The following PRUNE2 variants were observed in gnomAD, a reference collection of about 807,000 sequenced individuals.
PRUNE2 encodes the protein prune homolog 2 with BCH domain.
A neutral mutation model predicts 252.0 loss-of-function variants in PRUNE2; 164 were observed. The observed-to-expected ratio is 0.65, with a 90% CI of 0.57 to 0.74. PRUNE2 has a LOEUF of 0.74. PRUNE2 is among the 30% of genes least tolerant of loss of function. The pLI is 0.00. For missense variants in PRUNE2, 3,495 were observed against 3,711.0 expected, an observed-to-expected ratio of 0.94 and a Z score of 1.51; for synonymous variants, 1,292 against 1,350.2, an observed-to-expected ratio of 0.96 and a Z score of 0.94.
chr9:76,800,508 T>C (rs566635554), intron 6 of PRUNE2, among the ~76,000 whole-genome samples: 1 of 152,240 alleles, frequency 6.6e-6, no homozygotes, highest in Non-Finnish European at 1.5e-5. Context: ...ATAATAACAA[T>C]TTGAAATTTA....
At chr9:76,647,844 C>A (rs1329617009) in intron 11 of PRUNE2, among the ~76,000 whole-genome samples, 3 of 152,102 alleles carry the variant, frequency 2.0e-5, no homozygotes, top group African/African-American at 4.8e-5. Context: ...CATCTGTAAT[C>A]CCAGCTACTT....
intron 1 of PRUNE2, among the ~76,000 whole-genome samples, chr9:76,896,891 C>T (rs1282000536): frequency 2.6e-5 from 4 of 152,206 alleles, no homozygotes; most frequent in Non-Finnish European, 5.9e-5. Context: ...TTTAAAAATG[C>T]ATTCTTGTTC....
intron 1 of PRUNE2, among the ~76,000 whole-genome samples, chr9:76,879,878 C>CATATATATAT (rs1391636538): frequency 9.3e-5 from 7 of 75,374 alleles, no homozygotes; most frequent in African/African-American, 4.7e-4. Context: ...AGAGGCCTGT[C>CATATATATAT]ATATATATAT....
At chr9:76,644,026 TC>T (rs1233325971) in intron 12 of PRUNE2, among the ~76,000 whole-genome samples, 2 of 152,100 alleles carry the variant, frequency 1.3e-5, no homozygotes, top group African/African-American at 2.4e-5. Context: ...CAAAATGCTG[TC>T]GAGGTTTTCT....
intron 6 of PRUNE2, among the ~76,000 whole-genome samples, chr9:76,800,584 G>A (rs2056481705): frequency 6.6e-6 from 1 of 152,158 alleles, no homozygotes; most frequent in South Asian, 2.1e-4. Flanking sequence ...AGTGCTGTTT[G>A]GTGTTTTGAC....
At chr9:76,674,610 A>G (rs975821774) in intron 9 of PRUNE2, among the ~76,000 whole-genome samples, 6 of 151,242 alleles carry the variant, frequency 4.0e-5, no homozygotes, top group African/African-American at 1.5e-4. Context: ...CGCCAAGTCA[A>G]TCCTAAGCCA....
chr9:76,642,001 T>TAAAAAAAAAAAAAAAAAAAAAAAAAAAAG, intron 12 of PRUNE2: 1 of 1,010,460 alleles, frequency 9.9e-7, no homozygotes, highest in Non-Finnish European at 1.4e-6. Flanking sequence ...ATAAGAGAAG[T>TAAAAAAAAAAAAAAAAAAAAAAAAAAAAG]AAAAAAAAAA....
At chr9:76,661,504 A>C (rs1467776401) in intron 9 of PRUNE2, among the ~76,000 whole-genome samples, 2 of 152,160 alleles carry the variant, frequency 1.3e-5, no homozygotes, top group Admixed American at 1.3e-4. Context: ...CAGCCTCCCA[A>C]AGTGCTGGGA....
chr9:76,813,024 T>C (rs1312757826), intron 6 of PRUNE2, among the ~76,000 whole-genome samples: 1 of 152,188 alleles, frequency 6.6e-6, no homozygotes. Context: ...GTTATCAATG[T>C]TCTTGGGGTC....
At chr9:76,823,763 T>G (rs1202528491) in intron 5 of PRUNE2, 37 bp from the exon 6 acceptor site, 1 of 1,288,536 alleles carries the variant, frequency 7.8e-7, no homozygotes, top group South Asian at 1.3e-5. Flanking sequence ...TATGTTATAC[T>G]TGAGGGATTT....
intron 9 of PRUNE2, 137 bp downstream of exon 9, chr9:76,703,197 CTGA>C: frequency 1.5e-6 from 1 of 664,632 alleles, no homozygotes; most frequent in South Asian, 2.6e-5. Context: ...GCTGCTTTTA[CTGA>C]TGGTGTGCCT....
chr9:76,899,967 G>C (rs2063073811), intron 1 of PRUNE2, among the ~76,000 whole-genome samples: 1 of 152,206 alleles, frequency 6.6e-6, no homozygotes, highest in South Asian at 2.1e-4. Flanking sequence ...GGTTTTAAGG[G>C]AGGGGTAGGA....
chr9:76,771,075 C>T (rs1172591058), intron 6 of PRUNE2, among the ~76,000 whole-genome samples: 1 of 151,796 alleles, frequency 6.6e-6, no homozygotes, highest in African/African-American at 2.4e-5. Flanking sequence ...TCTAAAGATA[C>T]TAAAAGATTA....
chr9:76,786,674 A>G (rs983765583), intron 6 of PRUNE2: 2 of 152,188 alleles, frequency 1.3e-5, no homozygotes, highest in African/African-American at 4.8e-5. Context: ...CCCCACCACT[A>G]ACCTGAATGC....
chr9:76,826,996 A>G (rs2132027204), intron 4 of PRUNE2, among the ~76,000 whole-genome samples: 1 of 152,088 alleles, frequency 6.6e-6, no homozygotes, highest in Non-Finnish European at 1.5e-5. Context: ...CAGATAAAGG[A>G]AAAAAATGTG....
At position 76,627,316 on chromosome 9, in the gene PRUNE2, T is replaced by C. The variant is rs534224999; in HGVS notation, c.9149+1876A>G. On this transcript the variant is annotated intron_variant, in intron 16 of 18. Transcript: ENST00000376718. ...TGGGGTGGCGGGGGGCTCACCATGTTGCCCAGGCTGGTCTTGAACTCCTGG... is the reference window on the plus strand; with the variant it reads ...TGGGGTGGCGGGGGGCTCACCATGTCGCCCAGGCTGGTCTTGAACTCCTGG... Among the ~76,000 whole-genome samples the C allele has an allele frequency of 3.8e-4, 57 of 151,524 alleles. 1 individual carries two copies. The highest frequency in any genetic ancestry group is 1.3e-3 in the African/African-American group (54 of 41,460).
chr9:76,636,039 G>A (rs750207432), intron 15 of PRUNE2, among the ~76,000 whole-genome samples: 31 of 151,830 alleles, frequency 2.0e-4, no homozygotes, highest in Non-Finnish European at 3.5e-4. Flanking sequence ...CGTTGTGTAG[G>A]TCTATTCAGA....
chr9:76,732,766 G>A (rs2048740860), intron 6 of PRUNE2, among the ~76,000 whole-genome samples: 1 of 152,206 alleles, frequency 6.6e-6, no homozygotes, highest in Non-Finnish European at 1.5e-5. Flanking sequence ...CTGAATGAGA[G>A]ACAGAAGTAG....
chr9:76,729,037 T>C (rs2048348353), intron 6 of PRUNE2, among the ~76,000 whole-genome samples: 1 of 152,186 alleles, frequency 6.6e-6, no homozygotes, highest in Admixed American at 6.5e-5. Context: ...CTACCTTATG[T>C]ATGTTAGAAA....
Sources: allele counts gnomAD v4.1 joint callset (sites outside exome capture counted in the v4.1 genomes callset), GRCh38; gene constraint gnomAD v4.1.1; transcripts MANE v1.5; gene names NCBI Gene and HGNC (gene_info 2026-07-23, HGNC 2026-07-21).